The following TBC1D22A variants were observed in gnomAD, a reference collection of about 807,000 sequenced individuals.
The protein encoded by TBC1D22A is TBC1 domain family member 22A.
In TBC1D22A, 38 loss-of-function variants were observed where a neutral mutation model predicts 60.2. That is an observed-to-expected ratio of 0.63 (90% confidence interval 0.49 to 0.83). The LOEUF (loss-of-function observed/expected upper bound fraction) is 0.83, where lower values mean the gene tolerates loss of function less well. Among genes scored for constraint, TBC1D22A ranks in the 40% least tolerant of loss-of-function variants. The probability of loss-of-function intolerance (pLI) is 0.00; values close to 1 mark genes in which losing one functional copy is unlikely to be tolerated. For missense variants in TBC1D22A, 628 were observed against 701.0 expected, an observed-to-expected ratio of 0.90 and a Z score of 1.18; for synonymous variants, 302 against 281.7, an observed-to-expected ratio of 1.07 and a Z score of -0.72.
chr22:47,165,310 C>G (rs2068159967), intron 12 of TBC1D22A, among the ~76,000 whole-genome samples: 3 of 152,164 alleles, frequency 2.0e-5, no homozygotes, highest in Admixed American at 2.0e-4. Context: ...CTGCCACCTC[C>G]CAGGAGGTGC....
At position 46,878,673 on chromosome 22, in the gene TBC1D22A, T is replaced by C; in HGVS notation, c.658T>C (p.Trp220Arg). 1 of 1,613,296 alleles carries C rather than the reference T, an allele frequency of 6.2e-7. No individual in the cohort carries two copies. The change falls in exon 5 of 13, where the codon TGG becomes CGG. Residue 220 changes from tryptophan (W) to arginine (R), a missense_variant. Trp to Arg is a moderately radical substitution (Grantham distance 101, BLOSUM62 -3). Coordinates refer to ENST00000337137, the MANE Select transcript of TBC1D22A (RefSeq NM_014346.5). ...AACAGAGGAATTACGGAGGTTGAGC[T>C]GGTCCGGAATCCCTAAGCCAGTGCG... ...TDLEELRRLS[W>R]SGIPKPVRPM...
intron 8 of TBC1D22A, 143 bp from the exon 9 acceptor site, chr22:46,974,147 G>T (rs1022439061): frequency 3.1e-6 from 2 of 645,740 alleles, no homozygotes; most frequent in Non-Finnish European, 5.6e-6. Flanking sequence ...GTGGAAGGCT[G>T]CATGAGTCAT....
intron 11 of TBC1D22A, among the ~76,000 whole-genome samples, chr22:47,047,496 G>C (rs1347595539): frequency 6.6e-6 from 1 of 152,190 alleles, no homozygotes; most frequent in Non-Finnish European, 1.5e-5. Flanking sequence ...GCTGGTTGCT[G>C]GAAATAGATG....
At chr22:46,785,594 T>C (rs1220235708) in intron 1 of TBC1D22A, among the ~76,000 whole-genome samples, 2 of 152,226 alleles carry the variant, frequency 1.3e-5, no homozygotes, top group Non-Finnish European at 2.9e-5. Flanking sequence ...CCTTTAACTA[T>C]CACCCCTGCC....
intron 12 of TBC1D22A, among the ~76,000 whole-genome samples, chr22:47,145,258 C>T (rs2067246789): frequency 6.6e-6 from 1 of 152,158 alleles, no homozygotes; most frequent in African/African-American, 2.4e-5. Flanking sequence ...TGGAGAGGCT[C>T]GGCGTCATCC....
chr22:46,913,770 G>C, intron 8 of TBC1D22A: 1 of 985,262 alleles, frequency 1.0e-6, no homozygotes, highest in Non-Finnish European at 1.2e-6. Context: ...AATTAATGTG[G>C]TAAATAAGTT....
chr22:46,990,391 GTTAGAGA>G lies in TBC1D22A; in HGVS notation c.1126-7242_1126-7236del, dbSNP rs1788482804. Among the ~76,000 whole-genome samples the G allele has an allele frequency of 6.6e-6, 1 of 151,972 alleles. No individual in the cohort carries two copies. The highest frequency in any genetic ancestry group is 1.5e-5 in the Non-Finnish European group (1 of 68,010). On this transcript the variant is annotated intron_variant, in intron 9 of 12. Transcript: ENST00000337137. This position sits in a 1 kb window ranked among gnomAD's most constrained non-coding sequence, Gnocchi z 4.6. ...GCTTTCCAGAAAAATTGAGCAGGAG[GTTAGAGA>G]GGCCCCATGTGCTCCTCAGCGTCCT...
chr22:47,014,642 G>T (rs1300007204), intron 10 of TBC1D22A, among the ~76,000 whole-genome samples: 1 of 152,250 alleles, frequency 6.6e-6, no homozygotes, highest in Non-Finnish European at 1.5e-5. Context: ...ATCTCCGCCT[G>T]ACCAACAGGG....
chr22:47,013,814 C>T (rs2061824817), intron 10 of TBC1D22A, among the ~76,000 whole-genome samples: 2 of 152,224 alleles, frequency 1.3e-5, no homozygotes, highest in Admixed American at 6.5e-5. Flanking sequence ...CTGTGAGTAC[C>T]TTCTGGGTCA....
At chr22:46,834,201 G>A (rs901912309) in intron 4 of TBC1D22A, among the ~76,000 whole-genome samples, 3 of 152,112 alleles carry the variant, frequency 2.0e-5, no homozygotes, top group Admixed American at 6.6e-5. Flanking sequence ...AAGGGTATAA[G>A]GAAATACCAG....
rs200311187 is a variant in TBC1D22A, at chr22:47,159,576, CCA to C, written c.1426-13919_1426-13918del. ...ACATTACACACACACTACACACACA[CCA>C]CAGTTATGTACACGTATCACACCAT... On this transcript the variant is annotated intron_variant, in intron 12 of 12. Transcript: ENST00000337137. Among the ~76,000 whole-genome samples the C allele has an allele frequency of 8.6e-3, 1,311 of 151,872 alleles. 20 individuals are homozygous for C. Among genetic ancestry groups the C allele is most frequent in the African/African-American group, 0.03 (1,247 of 41,362 alleles).
chr22:47,113,575 C>A (rs1197901374), intron 12 of TBC1D22A, among the ~76,000 whole-genome samples: 1 of 152,194 alleles, frequency 6.6e-6, no homozygotes, highest in Non-Finnish European at 1.5e-5. Context: ...AGGAATGGAC[C>A]CTGAGCACAT....
chr22:46,956,799 C>T (rs988281313), intron 8 of TBC1D22A, among the ~76,000 whole-genome samples: 1 of 152,248 alleles, frequency 6.6e-6, no homozygotes, highest in Non-Finnish European at 1.5e-5. Flanking sequence ...AGGTGAGGCA[C>T]TTCCTCTGTC....
intron 1 of TBC1D22A, chr22:46,789,538 T>C (rs2084317452): frequency 5.5e-6 from 1 of 182,466 alleles, no homozygotes. Flanking sequence ...CCCAGTGCCC[T>C]GTCCGAGAGT....
At chr22:47,109,618 T>C (rs5767501) in intron 11 of TBC1D22A, among the ~76,000 whole-genome samples, 69,159 of 151,828 alleles carry the variant, frequency 0.46, 16,991 homozygotes, top group African/African-American at 0.64. Flanking sequence ...TTCCAAAGAA[T>C]AACTCATGGC....
chr22:46,846,197 C>T (rs1009507334), intron 4 of TBC1D22A, among the ~76,000 whole-genome samples: 1 of 152,194 alleles, frequency 6.6e-6, no homozygotes, highest in African/African-American at 2.4e-5. Flanking sequence ...CTCAACAGCA[C>T]ACATATACCA....
chr22:46,778,140 G>A (rs1390068481), intron 1 of TBC1D22A, among the ~76,000 whole-genome samples: 1 of 151,680 alleles, frequency 6.6e-6, no homozygotes, highest in Non-Finnish European at 1.5e-5. Flanking sequence ...GGGACTGGAC[G>A]GTGCCCTTGG....
chr22:46,937,387 G>A (rs1301031798), intron 8 of TBC1D22A, among the ~76,000 whole-genome samples: 1 of 152,148 alleles, frequency 6.6e-6, no homozygotes, highest in African/African-American at 2.4e-5. Context: ...CTCACCTGGT[G>A]ACATCATGGC....
chr22:46,966,867 T>G (rs738931), intron 8 of TBC1D22A, among the ~76,000 whole-genome samples: 8,785 of 152,226 alleles, frequency 0.058, 374 homozygotes, highest in Non-Finnish European at 0.09. Context: ...TGACTGCGGG[T>G]CTGCTTGCGG....
Sources: allele counts gnomAD v4.1 joint callset (sites outside exome capture counted in the v4.1 genomes callset), GRCh38; gene constraint gnomAD v4.1.1; non-coding constraint Gnocchi (gnomAD v3.1); transcripts MANE v1.5; gene names NCBI Gene and HGNC (gene_info 2026-07-23, HGNC 2026-07-21).